The following FAM3B variants were observed in gnomAD, a reference collection of about 807,000 sequenced individuals.
The protein encoded by FAM3B is protein FAM3B.
Under a neutral mutation model 28.4 loss-of-function variants are expected in FAM3B, and 29 were observed. That is an observed-to-expected ratio of 1.02 (90% CI 0.76 to 1.39). The LOEUF (loss-of-function observed/expected upper bound fraction) is 1.39. FAM3B is among the 40% of genes most tolerant of loss of function. The pLI is 0.00. For synonymous variants in FAM3B, 91 were observed against 103.0 expected (o/e 0.88, Z 0.71); for missense variants, 266 against 293.9 (o/e 0.91, Z 0.69).
intron 4 of FAM3B, 48 bp downstream of exon 4, chr21:41,344,582 C>A: frequency 6.5e-7 from 1 of 1,546,308 alleles, no homozygotes; most frequent in South Asian, 1.1e-5. Context: ...GCTCTCTGGT[C>A]AGATTTTCAA....
In FAM3B at chr21:41,308,286, G is replaced by A. The variant is rs113812599; in HGVS notation, n.99+3976G>A. Among the ~76,000 whole-genome samples the A allele has an allele frequency of 2.0e-3, 310 of 151,480 alleles. 3 individuals are homozygous for A. Among genetic ancestry groups the A allele is most frequent in the African/African-American group, 6.9e-3 (283 of 41,252 alleles). On this transcript the variant is annotated intron_variant and non_coding_transcript_variant, in intron 1 of 9. Transcript: ENST00000479810. ...TCCCCACAACCACCCTATGAGATGAGTGTCACTGCCCCTGTTGTGTAGATG... is the reference window on the plus strand; with the variant it reads ...TCCCCACAACCACCCTATGAGATGAATGTCACTGCCCCTGTTGTGTAGATG...
intron 1 of FAM3B, among the ~76,000 whole-genome samples, chr21:41,318,286 G>A (rs999955007): frequency 1.3e-5 from 2 of 152,216 alleles, no homozygotes; most frequent in African/African-American, 4.8e-5. Context: ...AGTGGGCCTT[G>A]CCCTGGACGC....
intron 1 of FAM3B, among the ~76,000 whole-genome samples, chr21:41,308,617 A>G (rs1340846159): frequency 7.1e-6 from 1 of 140,942 alleles, no homozygotes; most frequent in Non-Finnish European, 1.5e-5. Context: ...TTGGCTCACC[A>G]CAACCTGTGC....
At position 41,328,309 on chromosome 21, in the gene FAM3B, A is replaced by G. The variant is rs539060193; in HGVS notation, c.163+5243A>G. On this transcript the variant is annotated intron_variant, in intron 2 of 7. Transcript: ENST00000357985. ...CACCTACTTTTAAACTGTTAGTTAC[A>G]TTTTCAAATGCTATATTCAACGTGT... Among the ~76,000 whole-genome samples the G allele has an allele frequency of 3.3e-5, 5 of 152,312 alleles. No individual in the cohort carries two copies. The South Asian group carries it at 1.0e-3, about 32-fold the overall frequency.
upstream of FAM3B, among the ~76,000 whole-genome samples, chr21:41,314,902 A>G (rs2088736568): frequency 6.6e-6 from 1 of 152,176 alleles, no homozygotes; most frequent in African/African-American, 2.4e-5. Context: ...TAAGAATAGA[A>G]TTATCGTATG....
chr21:41,332,954 C>T (rs2088919509), intron 2 of FAM3B, among the ~76,000 whole-genome samples: 1 of 151,620 alleles, frequency 6.6e-6, no homozygotes, highest in Non-Finnish European at 1.5e-5. Flanking sequence ...TGATTGTTGT[C>T]ATTTTTTTCA....
At chr21:41,328,247 C>T (rs2088871538) in intron 2 of FAM3B, among the ~76,000 whole-genome samples, 1 of 152,150 alleles carries the variant, frequency 6.6e-6, no homozygotes, top group African/African-American at 2.4e-5. Context: ...ATTGAGTACC[C>T]ATACACAGGG....
Position 41,323,053 on chromosome 21 carries a change from G to A in FAM3B, c.150G>A (p.Arg50=), listed in dbSNP as rs748932740. 6.2e-7 allele frequency: 1 copy of A among 1,605,260 alleles called. No homozygotes were observed. Among genetic ancestry groups the A allele is most frequent in the Non-Finnish European group, 8.5e-7 (1 of 1,179,982 alleles). The change falls in exon 2 of 8, where the codon AGG becomes AGA. Residue 50 remains arginine, a synonymous_variant. Transcript: ENST00000357985. ...AAYSIRSIGE[R]PVLKAPVPKR... ...ATAGCATCCGCAGCATCGGGGAGAG[G>A]CCTGTCCTCAAAGGTGAGTGCCGTG...
chr21:41,352,926 G>A (rs1461904082), intron 7 of FAM3B, among the ~76,000 whole-genome samples: 3 of 152,142 alleles, frequency 2.0e-5, no homozygotes, highest in African/African-American at 7.2e-5. Context: ...ATCCTAAGAG[G>A]TCCACTAAAA....
In FAM3B at chr21:41,356,057, A is replaced by G. The variant is rs201857199; in HGVS notation, c.619-1051A>G. On this transcript the variant is annotated intron_variant, in intron 7 of 7. Coordinates refer to ENST00000357985, the MANE Select transcript of FAM3B (RefSeq NM_058186.4). Reference sequence around the variant, plus strand: ...AAAATACATACACACACACACACACACACACACACACACACACACACACAC... The same window carrying G: ...AAAATACATACACACACACACACACGCACACACACACACACACACACACAC... Among the ~76,000 whole-genome samples, 5 of 148,120 alleles carry G rather than the reference A, an allele frequency of 3.4e-5. No homozygotes were observed. The East Asian group carries it at 9.7e-4, about 29-fold the overall frequency.
intron 1 of FAM3B, among the ~76,000 whole-genome samples, chr21:41,318,003 T>A (rs978873716): frequency 6.6e-6 from 1 of 152,138 alleles, no homozygotes; most frequent in Non-Finnish European, 1.5e-5. Flanking sequence ...TCTGGAAAAG[T>A]GTTTTCTATT....
intron 1 of FAM3B, among the ~76,000 whole-genome samples, chr21:41,311,311 A>G (rs1475547903): frequency 3.4e-5 from 4 of 116,888 alleles, no homozygotes; most frequent in African/African-American, 6.0e-5. Flanking sequence ...TATATACAAA[A>G]GTTAGTTGGG....
At chr21:41,311,485 A>G (rs1914505547) in intron 1 of FAM3B, among the ~76,000 whole-genome samples, 3 of 151,024 alleles carry the variant, frequency 2.0e-5, no homozygotes, top group Admixed American at 6.6e-5. Context: ...AAAAATGACA[A>G]ATTTTTAATA....
intron 7 of FAM3B, among the ~76,000 whole-genome samples, chr21:41,354,610 A>T (rs983465514): frequency 6.6e-6 from 1 of 152,170 alleles, no homozygotes; most frequent in African/African-American, 2.4e-5. Context: ...ATTCCTACTG[A>T]TAAGTAGGAG....
At chr21:41,322,685 A>G in intron 1 of FAM3B, 1 of 723,014 alleles carries the variant, frequency 1.4e-6, no homozygotes. Context: ...CTAAACCAAC[A>G]GCAAATACAA....
At position 41,326,547 on chromosome 21, in the gene FAM3B, C is replaced by G. The variant is rs976045968; in HGVS notation, c.163+3481C>G. ...AACAGGACTCTCACTTTGCAGAGCGCCAGGGGCTGCAAGTCTAGAAGCTGG... is the reference window on the plus strand; with the variant it reads ...AACAGGACTCTCACTTTGCAGAGCGGCAGGGGCTGCAAGTCTAGAAGCTGG... On this transcript the variant is annotated intron_variant, in intron 2 of 7. Coordinates refer to ENST00000357985, the MANE Select transcript of FAM3B (RefSeq NM_058186.4). This position sits in a 1 kb window ranked among gnomAD's most constrained non-coding sequence, Gnocchi z 4.0. Among the ~76,000 whole-genome samples, 5 of 152,244 alleles carry G rather than the reference C, an allele frequency of 3.3e-5. No homozygotes were observed. The highest frequency in any genetic ancestry group is 7.3e-5 in the Non-Finnish European group (5 of 68,044).
chr21:41,308,615 C>T (rs1029036984), intron 1 of FAM3B, among the ~76,000 whole-genome samples: 1 of 149,712 alleles, frequency 6.7e-6, no homozygotes, highest in Non-Finnish European at 1.5e-5. Flanking sequence ...TCTTGGCTCA[C>T]CACAACCTGT....
At chr21:41,307,360 G>A (rs1297360200) in intron 1 of FAM3B, among the ~76,000 whole-genome samples, 1 of 152,190 alleles carries the variant, frequency 6.6e-6, no homozygotes, top group Non-Finnish European at 1.5e-5. Context: ...AAATATCATG[G>A]TTTACCCAGA....
At chr21:41,337,905 G>A (rs867536547) in intron 2 of FAM3B, among the ~76,000 whole-genome samples, 1 of 151,832 alleles carries the variant, frequency 6.6e-6, no homozygotes, top group Non-Finnish European at 1.5e-5. Context: ...GATATGTATG[G>A]TGTGTATGTT....
Sources: allele counts gnomAD v4.1 joint callset (sites outside exome capture counted in the v4.1 genomes callset), GRCh38; gene constraint gnomAD v4.1.1; non-coding constraint Gnocchi (gnomAD v3.1); transcripts MANE v1.5; gene names NCBI Gene and HGNC (gene_info 2026-07-23, HGNC 2026-07-21).